Variants in EFEMP2 observed in about 807,000 individuals in gnomAD.
EFEMP2 encodes the protein EGF-like fibulin extracellular matrix protein 2.
A neutral mutation model predicts 55.3 loss-of-function variants in EFEMP2; 21 were observed. The observed-to-expected ratio is 0.38, with a 90% CI of 0.27 to 0.55. EFEMP2 has a LOEUF of 0.55. EFEMP2 is among the 20% of genes least tolerant of loss of function. EFEMP2 has a pLI of 0.77. For missense variants in EFEMP2, 513 were observed against 615.1 expected (o/e 0.83, Z 1.76); for synonymous variants, 275 against 242.3 (o/e 1.14, Z -1.25).
chr11:65,866,892 C>T lies in EFEMP2; in HGVS notation c.*26G>A. On this transcript the variant is annotated 3_prime_UTR_variant, in exon 11 of 11. Transcript: ENST00000307998. ...ACAGGCTCCTCAGCTAGGGTAGCTG[C>T]AGGGAGGGTGGCTCCCTCCTGCTCC... 6.2e-7 allele frequency: 1 copy of T among 1,613,616 alleles called. No individual in the cohort carries two copies. The highest frequency in any genetic ancestry group is 8.5e-7 in the Non-Finnish European group (1 of 1,179,588).
At chr11:65,872,612 C>A (rs1473209112) in intron 1 of EFEMP2, 71 bp downstream of exon 1, 5 of 295,572 alleles carry the variant, frequency 1.7e-5, no homozygotes, top group Non-Finnish European at 2.5e-5. Context: ...CCTCTGTGGG[C>A]GCTACGCTGC....
intron 4 of EFEMP2, 154 bp downstream of exon 4, chr11:65,871,003 G>A: frequency 2.1e-6 from 2 of 966,318 alleles, no homozygotes; most frequent in South Asian, 1.4e-5. Context: ...CACAAGCTGG[G>A]GCCACCTGCG....
rs1364097318 is a variant in EFEMP2 at position 65,870,648 on chromosome 11, C to G, written c.378G>C (p.Glu126Asp). The change falls in exon 5 of 11, where the codon GAG (glutamate) becomes GAC (aspartate). Residue 126 changes from glutamate to aspartate, a missense_variant. Physicochemically the swap from Glu to Asp is conservative, Grantham distance 45 (BLOSUM62 2). Coordinates refer to ENST00000307998, the MANE Select transcript of EFEMP2 (RefSeq NM_016938.5). ...DDQDSCVDVD[E>D]CAQALHDCRP... ...GACAGTCGTGCAGGGCCTGGGCACA[C>G]TCGTCCACATCTGCGAGAGACACCA... 1 of 1,614,094 alleles carries G rather than the reference C, an allele frequency of 6.2e-7. No homozygotes were observed. Among genetic ancestry groups the G allele is most frequent in the Non-Finnish European group, 8.5e-7 (1 of 1,180,032 alleles).
Position 65,868,298 on chromosome 11 carries a change from T to A in EFEMP2, c.971A>T (p.Glu324Val). ...GCCTGGCATCGAATTGACTCACTTC[T>A]CAGAGACCTGGATGTAGGGCTCCAC... ...RCVEPYIQVS[E>V]NRCLCPASNP... Residue 324 changes from glutamate to valine, a missense_variant, in exon 9 of 11, where the codon GAG (glutamate) becomes GTG (valine). Glu to Val is a moderately radical substitution (Grantham distance 121). Transcript: ENST00000307998. 1 of 1,613,698 alleles carries A rather than the reference T, an allele frequency of 6.2e-7. No individual in the cohort carries two copies. The highest frequency in any genetic ancestry group is 8.5e-7 in the Non-Finnish European group (1 of 1,180,028).
At chr11:65,867,753 G>A (rs1400925589) in intron 10 of EFEMP2, 108 bp downstream of exon 10, 5 of 1,252,562 alleles carry the variant, frequency 4.0e-6, no homozygotes, top group African/African-American at 3.0e-5. Context: ...CGGGGGCGGG[G>A]CTTTGGGGGA....
At position 65,870,375 on chromosome 11, in the gene EFEMP2, C is replaced by T. The variant is rs2234463; in HGVS notation, c.491-138G>A. 8.7e-4 allele frequency: 1,225 copies of T among 1,414,660 alleles called. 3 individuals are homozygous for T. The African/African-American group carries it at 0.016, about 18-fold the overall frequency. 87.6% of individuals were successfully genotyped at this position (1,414,660 alleles called of 1,614,324 possible). A position where few individuals can be genotyped will look rare whatever the true frequency, so the allele number is the denominator to read the frequency against. On this transcript the variant is annotated intron_variant, in intron 5 of 10. Transcript: ENST00000307998. ...GAATTAGGCAGGGTCAGCCAGGACA[C>T]CTCCCAAACACTCCCCGCTACAGTC...
chr11:65,868,133 G>T (rs1859894743), intron 9 of EFEMP2, 77 bp from the exon 10 acceptor site: 1 of 1,571,624 alleles, frequency 6.4e-7, no homozygotes, highest in Non-Finnish European at 8.7e-7. Flanking sequence ...CAAAGGGAGG[G>T]AATCCCAAAA....
rs1486210160 is a variant in EFEMP2 at position 65,872,225 on chromosome 11, C to T, written c.111+19G>A. 3.2e-6 allele frequency: 5 copies of T among 1,545,628 alleles called. No individual in the cohort carries two copies. Among genetic ancestry groups the T allele is most frequent in the Non-Finnish European group, 3.5e-6 (4 of 1,141,662 alleles). On this transcript the variant is annotated intron_variant, in intron 2 of 10. Transcript: ENST00000307998. Reference sequence around the variant, plus strand: ...CCCTACCCTTCCTGTCCCAGGCCAGCGGCCCTCACTGTCCCCACCGTGTAG... The same window carrying T: ...CCCTACCCTTCCTGTCCCAGGCCAGTGGCCCTCACTGTCCCCACCGTGTAG...
chr11:65,870,695 C>G (rs1213690279), intron 4 of EFEMP2, 37 bp from the exon 5 acceptor site: 5 of 1,613,278 alleles, frequency 3.1e-6, no homozygotes, highest in Admixed American at 1.7e-5. Flanking sequence ...CCTGGGATCC[C>G]GCACACCACC....
chr11:65,870,223 G>T lies in EFEMP2; in HGVS notation c.505C>A (p.Arg169Ser), dbSNP rs762712612. Residue 169 changes from arginine to serine, a missense_variant, in exon 6 of 11, where the codon CGC becomes AGC. By Grantham distance (110) the Arg-to-Ser change is moderately radical. Transcript: ENST00000307998. ...CAGCGGTGCTGGCAGTAGCGGTAGC[G>T]GCACTCGTCTATGTCTAGGGATAGA... The part of the protein sequence containing the change: ...GPECVDIDEC[R>S]YRYCQHRCVN... 1 of 1,613,444 alleles carries T rather than the reference G, an allele frequency of 6.2e-7. No homozygotes were observed. The highest frequency in any genetic ancestry group is 8.5e-7 in the Non-Finnish European group (1 of 1,179,994).
chr11:65,868,265 C>G, intron 9 of EFEMP2, 30 bp downstream of exon 9: 1 of 1,613,036 alleles, frequency 6.2e-7, no homozygotes. Flanking sequence ...GACGTAGTTT[C>G]TGTGGGGGCC....
At chr11:65,870,408 T>G in intron 5 of EFEMP2, 128 bp downstream of exon 5, 1 of 1,489,008 alleles carries the variant, frequency 6.7e-7, no homozygotes, top group Non-Finnish European at 9.3e-7. Flanking sequence ...GTCCTCTGTG[T>G]CTGATGACGG....
At chr11:65,872,645 G>A in intron 1 of EFEMP2, 38 bp downstream of exon 1, 1 of 303,206 alleles carries the variant, frequency 3.3e-6, no homozygotes, top group Non-Finnish European at 6.3e-6. Flanking sequence ...CGAGACTCCG[G>A]CCCACGCCCT....
intron 3 of EFEMP2, 185 bp downstream of exon 3, chr11:65,871,785 A>G (rs2134752837): frequency 8.3e-6 from 6 of 719,188 alleles, no homozygotes; most frequent in Non-Finnish European, 1.2e-5. Flanking sequence ...CTGGGAGAGG[A>G]TGAGGCCACC....
intron 7 of EFEMP2, 163 bp from the exon 8 acceptor site, chr11:65,868,792 G>GA (rs1591066224): frequency 1.0e-6 from 1 of 991,210 alleles, no homozygotes; most frequent in East Asian, 2.5e-5. Flanking sequence ...AGGGTTCAAA[G>GA]AAAGTTTGCC....
At position 65,870,215 on chromosome 11, in the gene EFEMP2, G is replaced by A. The variant is rs1256668331; in HGVS notation, c.513C>T (p.Arg171=). ...ECVDIDECRY[R]YCQHRCVNLP... is the part of the protein sequence containing the mutation. ...GGTTCACGCAGCGGTGCTGGCAGTA[G>A]CGGTAGCGGCACTCGTCTATGTCTA... The change falls in exon 6 of 11, where the codon CGC becomes CGT. Residue 171 remains arginine (R), a synonymous_variant. Coordinates refer to ENST00000307998, the MANE Select transcript of EFEMP2 (RefSeq NM_016938.5). The A allele has an allele frequency of 6.2e-7, 1 of 1,613,514 alleles. No homozygotes were observed. Among genetic ancestry groups the A allele is most frequent in the Non-Finnish European group, 8.5e-7 (1 of 1,179,992 alleles).
intron 7 of EFEMP2, chr11:65,868,849 AAC>A: frequency 1.7e-6 from 1 of 584,354 alleles, no homozygotes; most frequent in Non-Finnish European, 3.0e-6. Context: ...AACTGGAAGA[AAC>A]ACTAAATAAG....
At chr11:65,871,407 G>A in intron 3 of EFEMP2, 44 bp from the exon 4 acceptor site, 2 of 1,596,488 alleles carry the variant, frequency 1.3e-6, no homozygotes, top group African/African-American at 1.3e-5. Context: ...TCCTGGGCTG[G>A]CCCTGGAGGG....
intron 5 of EFEMP2, 133 bp downstream of exon 5, chr11:65,870,403 C>G: frequency 6.7e-7 from 1 of 1,482,662 alleles, no homozygotes; most frequent in South Asian, 1.2e-5. Context: ...CTACAGTCCT[C>G]TGTGTCTGAT....
Sources: allele counts gnomAD v4.1 joint callset, GRCh38; gene constraint gnomAD v4.1.1; transcripts MANE v1.5; gene names NCBI Gene and HGNC (gene_info 2026-07-23, HGNC 2026-07-21).